Variants in FBXL14 observed in about 807,000 individuals in gnomAD.
FBXL14 encodes F-box/LRR-repeat protein 14.
FBXL14 carries 11 observed loss-of-function variants against 24.5 expected under a neutral mutation model. The ratio of observed to expected loss-of-function variants is 0.45; its 90% CI spans 0.28 to 0.74. FBXL14 has a LOEUF of 0.74. Among genes scored for constraint, FBXL14 ranks in the 30% least tolerant of loss-of-function variants. FBXL14 has a pLI of 0.12. For missense variants in FBXL14, 384 were observed against 545.6 expected (o/e 0.70, Z 2.95); for synonymous variants, 294 against 240.4 (o/e 1.22, Z -2.06).
In FBXL14 at chr12:1,585,649, A is replaced by C. The variant is rs140432732; in HGVS notation, c.1194+7224T>G. ...CATGATGTAAGGAGTAATTGTTGAC[A>C]CCCCACTGTGTGGTAGGTCTGATCC... On this transcript the variant is annotated intron_variant, in intron 1 of 1. Coordinates refer to ENST00000339235, the MANE Select transcript of FBXL14 (RefSeq NM_152441.3). 8.5e-5 allele frequency among the ~76,000 whole-genome samples: 13 copies of C among 152,278 alleles called. No homozygotes were observed. In the Middle Eastern group the frequency reaches 0.01, roughly 120 times the overall value.
At chr12:1,588,787 T>G (rs944974880) in intron 1 of FBXL14, among the ~76,000 whole-genome samples, 4 of 152,180 alleles carry the variant, frequency 2.6e-5, no homozygotes, top group Non-Finnish European at 5.9e-5. Flanking sequence ...TTTTCTGTTA[T>G]TCTAAGAACT....
Position 1,579,090 on chromosome 12 carries a change from G to A in FBXL14, c.1195-12280C>T, listed in dbSNP as rs536239677. 9.2e-5 allele frequency among the ~76,000 whole-genome samples: 14 copies of A among 152,140 alleles called. 1 individual carries two copies. Among genetic ancestry groups the A allele is most frequent in the Admixed American group, 5.3e-4 (8 of 15,236 alleles). On this transcript the variant is annotated intron_variant, in intron 1 of 1. Transcript: ENST00000339235. The surrounding 1 kb of genome is among the most constrained non-coding windows in gnomAD (Gnocchi z 4.3). ...TTCTACTTGCTTTCTTTAGGGAAAC[G>A]ACATGGTCTCCTCCTGTAACACTCC...
At chr12:1,584,602 T>C (rs1367761965) in intron 1 of FBXL14, among the ~76,000 whole-genome samples, 3 of 152,200 alleles carry the variant, frequency 2.0e-5, no homozygotes, top group Non-Finnish European at 4.4e-5. Context: ...CTCCATCTAC[T>C]CCAGGCTCTG....
At chr12:1,588,002 C>G (rs2094480447) in intron 1 of FBXL14, among the ~76,000 whole-genome samples, 1 of 152,204 alleles carries the variant, frequency 6.6e-6, no homozygotes, top group Non-Finnish European at 1.5e-5. Context: ...AGAAAGAGAA[C>G]AGAGAGAGGG....
At chr12:1,594,804 C>CCCGGCT (rs1463408907), upstream of FBXL14, among the ~76,000 whole-genome samples, 1 of 151,184 alleles carries the variant, frequency 6.6e-6, no homozygotes, top group Admixed American at 6.6e-5. Context: ...CCGGGCCGGC[C>CCCGGCT]CCGGCTCCGC....
chr12:1,592,387 G>C (rs1184211867), intron 1 of FBXL14, among the ~76,000 whole-genome samples: 3 of 152,122 alleles, frequency 2.0e-5, no homozygotes, highest in Non-Finnish European at 2.9e-5. Context: ...TTACAAAGTG[G>C]AAGGGTGAAA....
chr12:1,586,902 C>T (rs372018323), intron 1 of FBXL14, among the ~76,000 whole-genome samples: 2 of 152,310 alleles, frequency 1.3e-5, no homozygotes, highest in African/African-American at 4.8e-5. Context: ...ATGCAAGTAT[C>T]CTTGTAAGTT....
In FBXL14 at chr12:1,593,272, G is replaced by A. The variant is rs1035743036; in HGVS notation, c.795C>T (p.Asn265=). 6.2e-7 allele frequency: 1 copy of A among 1,612,748 alleles called. No homozygotes were observed. Among genetic ancestry groups the A allele is most frequent in the Non-Finnish European group, 8.5e-7 (1 of 1,179,828 alleles). The part of the protein sequence containing the change: ...LRSLNLRSCD[N]ISDTGIMHLA... The stretch of plus-strand genomic sequence containing the variant: ...GATGCATGATGCCCGTGTCACTGAT[G>A]TTGTCACAGGAGCGCAGGTTGAGGC... The change falls in exon 1 of 2, where the codon AAC becomes AAT. Residue 265 remains asparagine, a synonymous_variant. Transcript: ENST00000339235. This position sits in a 1 kb window ranked among gnomAD's most constrained non-coding sequence, Gnocchi z 7.4.
chr12:1,591,850 C>T (rs2094490917), intron 1 of FBXL14, among the ~76,000 whole-genome samples: 1 of 152,130 alleles, frequency 6.6e-6, no homozygotes. Context: ...GCAGAATTTG[C>T]ATATATAATC....
chr12:1,579,315 G>C lies in FBXL14; in HGVS notation c.1195-12505C>G, dbSNP rs2094461784. On this transcript the variant is annotated intron_variant, in intron 1 of 1. Coordinates refer to ENST00000339235, the MANE Select transcript of FBXL14 (RefSeq NM_152441.3). The surrounding 1 kb of genome is among the most constrained non-coding windows in gnomAD (Gnocchi z 4.3). Reference sequence around the variant, plus strand: ...TCATACTGACGAAAACAAAACCAGAGGTTTTAAAAAATAATCTGGGCCGGG... The same window carrying C: ...TCATACTGACGAAAACAAAACCAGACGTTTTAAAAAATAATCTGGGCCGGG... Among the ~76,000 whole-genome samples the C allele has an allele frequency of 1.3e-5, 2 of 151,562 alleles. No individual in the cohort carries two copies. The highest frequency in any genetic ancestry group is 1.3e-4 in the Admixed American group (2 of 15,134).
At chr12:1,582,470 T>C (rs2094468609) in intron 1 of FBXL14, among the ~76,000 whole-genome samples, 2 of 152,180 alleles carry the variant, frequency 1.3e-5, no homozygotes, top group Admixed American at 1.3e-4. Flanking sequence ...TTTTCTTTCC[T>C]TTACAACCTG....
At position 1,569,701 on chromosome 12, in the gene FBXL14, C is replaced by G. The variant is rs1012099988; in HGVS notation, c.1195-2891G>C. ...AGGCGTGAGCCACCGCTCCCGGCAC[C>G]ACTTGGTTCTTTATGGCTGTTGAGC... On this transcript the variant is annotated intron_variant, in intron 1 of 1. Transcript: ENST00000339235. This position sits in a 1 kb window ranked among gnomAD's most constrained non-coding sequence, Gnocchi z 4.2. 4.6e-5 allele frequency among the ~76,000 whole-genome samples: 7 copies of G among 152,232 alleles called. No homozygotes were observed. Among genetic ancestry groups the G allele is most frequent in the Admixed American group, 1.3e-4 (2 of 15,286 alleles).
chr12:1,566,798 C>T lies in FBXL14; in HGVS notation c.1207G>A (p.Asp403Asn), dbSNP rs2094437027. 1 of 780,838 alleles carries T rather than the reference C, an allele frequency of 1.3e-6. No homozygotes were observed. The highest frequency in any genetic ancestry group is 2.4e-6 in the Non-Finnish European group (1 of 418,080). 48.4% of individuals were successfully genotyped at this position (780,838 alleles called of 1,614,324 possible). ...MTDSEKEARG[D>N]FSPLFTVRTR... ...CTCACAGTGAATAATGGAGAAAAAT[C>T]CCCTCGTGCCTCCTGCAGTGGGAAG... Residue 403 changes from aspartate (D) to asparagine (N), a missense_variant, in exon 2 of 2, where the codon GAT (aspartate) becomes AAT (asparagine). Asp to Asn is a conservative substitution (Grantham distance 23, BLOSUM62 1). Coordinates refer to ENST00000339235, the MANE Select transcript of FBXL14 (RefSeq NM_152441.3).
rs1565583491 is a variant in FBXL14 at position 1,574,914 on chromosome 12, A to ATTTTTT, written c.1195-8105_1195-8104insAAAAAA. On this transcript the variant is annotated intron_variant, in intron 1 of 1. Coordinates refer to ENST00000339235, the MANE Select transcript of FBXL14 (RefSeq NM_152441.3). The stretch of plus-strand genomic sequence containing the variant: ...GAGAAGTTAGGAGCTTTTTTTAAAA[A>ATTTTTT]AAAAAATTATCTTTGATAAATTTAG... 571 of 151,084 alleles carry ATTTTTT rather than the reference A, an allele frequency of 3.8e-3. 2 individuals carry two copies. Among genetic ancestry groups the ATTTTTT allele is most frequent in the African/African-American group, 0.012 (474 of 40,574 alleles). The allele number at this position is 151,084 out of a possible 1,614,324, so 9.4% of individuals were successfully genotyped here.
chr12:1,587,724 A>G (rs763854950), intron 1 of FBXL14, among the ~76,000 whole-genome samples: 1 of 152,202 alleles, frequency 6.6e-6, no homozygotes, highest in Non-Finnish European at 1.5e-5. Context: ...CTGTTTTACA[A>G]CTTTTTAAAA....
In FBXL14 at chr12:1,594,192, A is replaced by C. The variant is rs2154438495; in HGVS notation, c.-126T>G. On this transcript the variant is annotated 5_prime_UTR_variant, in exon 1 of 2. Coordinates refer to ENST00000339235, the MANE Select transcript of FBXL14 (RefSeq NM_152441.3). ...CCGCCGCCGCCGCCGCCTCGGGCCC[A>C]ACGGCCGGCCCCTCCCCGCCTTCCG... 1 of 589,794 alleles carries C rather than the reference A, an allele frequency of 1.7e-6. No homozygotes were observed. The allele number at this position is 589,794 out of a possible 1,614,324, so 36.5% of individuals were successfully genotyped here.
Position 1,593,548 on chromosome 12 carries a change from G to T in FBXL14, c.519C>A (p.Ser173Arg), listed in dbSNP as rs767094701. 6.2e-7 allele frequency: 1 copy of T among 1,614,072 alleles called. No homozygotes were observed. The highest frequency in any genetic ancestry group is 1.7e-5 in the Admixed American group (1 of 60,032). The stretch of plus-strand genomic sequence containing the variant: ...GGTGGCGGCAGCTGCGGAGGTTAAG[G>T]CTCTTGAGGCGCTGCAGACCCCAGG... ...LIAWGLQRLKSLNLRSCRHLS... is the reference protein window; with the variant it reads ...LIAWGLQRLKRLNLRSCRHLS... The change falls in exon 1 of 2, where the codon AGC (serine) becomes AGA (arginine). Residue 173 changes from serine to arginine, a missense_variant. Coordinates refer to ENST00000339235, the MANE Select transcript of FBXL14 (RefSeq NM_152441.3). This position sits in a 1 kb window ranked among gnomAD's most constrained non-coding sequence, Gnocchi z 7.4.
At position 1,569,584 on chromosome 12, in the gene FBXL14, T is replaced by A. The variant is rs1372048400; in HGVS notation, c.1195-2774A>T. On this transcript the variant is annotated intron_variant, in intron 1 of 1. Transcript: ENST00000339235. This position sits in a 1 kb window ranked among gnomAD's most constrained non-coding sequence, Gnocchi z 4.2. The stretch of plus-strand genomic sequence containing the variant: ...CCCGGCTAATTTTTTGTGTTTTTAG[T>A]AGAGATGGGGTTTCACCGTGTTAGC... Among the ~76,000 whole-genome samples, 1 of 152,074 alleles carries A rather than the reference T, an allele frequency of 6.6e-6. No individual in the cohort carries two copies. The highest frequency in any genetic ancestry group is 2.4e-5 in the African/African-American group (1 of 41,400).
intron 1 of FBXL14, among the ~76,000 whole-genome samples, chr12:1,580,918 C>T (rs2094465010): frequency 6.6e-6 from 1 of 152,108 alleles, no homozygotes; most frequent in Admixed American, 6.6e-5. Flanking sequence ...GGAATGAATA[C>T]AGGAGTGGGA....
Sources: gnomAD v4.1 joint callset for allele counts (sites outside exome capture counted in the v4.1 genomes callset) on GRCh38, gnomAD v4.1.1 for gene constraint, Gnocchi (gnomAD v3.1) non-coding constraint, MANE v1.5 for transcripts, NCBI Gene and HGNC (gene_info 2026-07-23, HGNC 2026-07-21) for gene names.